The following USP31 variants were observed in gnomAD, a reference collection of about 807,000 sequenced individuals.
The protein encoded by USP31 is ubiquitin specific peptidase 31.
Under a neutral mutation model 119.4 loss-of-function variants are expected in USP31, and 44 were observed. The observed-to-expected ratio is 0.37, with a 90% CI of 0.29 to 0.47. The LOEUF is 0.47. Ranked by LOEUF, USP31 falls within the 20% of genes least tolerant of loss-of-function variation. The probability of loss-of-function intolerance (pLI) is 0.99; values close to 1 mark genes in which losing one functional copy is unlikely to be tolerated. For synonymous variants in USP31, 749 were observed against 705.6 expected (o/e 1.06, Z -0.97); for missense variants, 1,643 against 1,730.2 (o/e 0.95, Z 0.89).
intron 1 of USP31, among the ~76,000 whole-genome samples, chr16:23,143,259 C>G (rs1017134226): frequency 3.9e-5 from 6 of 152,140 alleles, no homozygotes; most frequent in African/African-American, 1.4e-4. Context: ...TCTTTGCCAG[C>G]ACAATTTAAA....
rs1471661117 is a variant in USP31, at chr16:23,131,273, G to C, written c.633+17365C>G. Among the ~76,000 whole-genome samples, 7 of 152,290 alleles carry C rather than the reference G, an allele frequency of 4.6e-5. No individual in the cohort carries two copies. In the East Asian group the frequency reaches 1.3e-3, roughly 29 times the overall value. On this transcript the variant is annotated intron_variant, in intron 1 of 15. Coordinates refer to ENST00000219689, the MANE Select transcript of USP31 (RefSeq NM_020718.4). ...GCTATGATCATGCCACTGCACTCCAGGCTGGGCGACAGAGCAAGACTGTCT... is the reference window on the plus strand; with the variant it reads ...GCTATGATCATGCCACTGCACTCCACGCTGGGCGACAGAGCAAGACTGTCT...
chr16:23,130,893 A>T (rs1186417448), intron 1 of USP31, among the ~76,000 whole-genome samples: 2 of 152,332 alleles, frequency 1.3e-5, no homozygotes, highest in East Asian at 3.9e-4. Context: ...TGGGGTAGTT[A>T]GTTCATTTTT....
chr16:23,122,313 A>G (rs541193555), intron 1 of USP31, among the ~76,000 whole-genome samples: 20 of 152,368 alleles, frequency 1.3e-4, no homozygotes, highest in African/African-American at 4.6e-4. Flanking sequence ...ACAGACGTTA[A>G]CAAGTGTTGA....
At chr16:23,113,213 G>C (rs1902380144) in intron 1 of USP31, among the ~76,000 whole-genome samples, 1 of 152,074 alleles carries the variant, frequency 6.6e-6, no homozygotes, top group Non-Finnish European at 1.5e-5. Context: ...GAAGAGATTA[G>C]GGGACCACAG....
At chr16:23,098,377 T>A (rs1457088442) in intron 6 of USP31, among the ~76,000 whole-genome samples, 1 of 152,024 alleles carries the variant, frequency 6.6e-6, no homozygotes, top group Non-Finnish European at 1.5e-5. Flanking sequence ...AGAATCAATA[T>A]CGTGAAAATG....
At chr16:23,081,130 C>A (rs1051803032) in intron 12 of USP31, among the ~76,000 whole-genome samples, 3 of 152,204 alleles carry the variant, frequency 2.0e-5, no homozygotes, top group African/African-American at 7.2e-5. Context: ...GATGAAGAGG[C>A]ATGGCCATGC....
At chr16:23,128,440 T>C (rs948913816) in intron 1 of USP31, among the ~76,000 whole-genome samples, 13 of 152,126 alleles carry the variant, frequency 8.5e-5, no homozygotes, top group Non-Finnish European at 1.8e-4. Context: ...ACATCAAATA[T>C]GCTTAAACCC....
At chr16:23,088,969 C>T (rs1175955293) in intron 7 of USP31, among the ~76,000 whole-genome samples, 1 of 152,238 alleles carries the variant, frequency 6.6e-6, no homozygotes, top group African/African-American at 2.4e-5. Context: ...ACTGTTCGCT[C>T]ACAGTGGTGC....
At chr16:23,096,000 T>G (rs1901590835) in intron 6 of USP31, among the ~76,000 whole-genome samples, 1 of 152,096 alleles carries the variant, frequency 6.6e-6, no homozygotes, top group Non-Finnish European at 1.5e-5. Flanking sequence ...ATAACAATAT[T>G]AACCTTAAAT....
At position 23,078,142 on chromosome 16, in the gene USP31, T is replaced by C. The variant is rs980425845; in HGVS notation, c.2176+1804A>G. On this transcript the variant is annotated intron_variant, in intron 13 of 15. Coordinates refer to ENST00000219689, the MANE Select transcript of USP31 (RefSeq NM_020718.4). ...TCCTGGCCAACATGGTGAAACCCCGTCTCTATTAAAAATACAAAAATTAGC... is the reference window on the plus strand; with the variant it reads ...TCCTGGCCAACATGGTGAAACCCCGCCTCTATTAAAAATACAAAAATTAGC... Among the ~76,000 whole-genome samples, 76 of 151,630 alleles carry C rather than the reference T, an allele frequency of 5.0e-4. 1 individual carries two copies. Among genetic ancestry groups the C allele is most frequent in the Admixed American group, 2.0e-4 (3 of 15,218 alleles).
chr16:23,135,154 A>C (rs941766875), intron 1 of USP31, among the ~76,000 whole-genome samples: 2 of 150,846 alleles, frequency 1.3e-5, no homozygotes, highest in Non-Finnish European at 3.0e-5. Flanking sequence ...AAAAAAAAAA[A>C]ACACTCAACA....
At chr16:23,079,851 G>T in intron 13 of USP31, 95 bp downstream of exon 13, 1 of 1,187,958 alleles carries the variant, frequency 8.4e-7, no homozygotes, top group Non-Finnish European at 1.1e-6. Context: ...GCCTACCGGA[G>T]GGGAAATGAG....
Position 23,061,517 on chromosome 16 carries a change from C to T in USP31, c.*6529G>A, listed in dbSNP as rs1431997331. The stretch of plus-strand genomic sequence containing the variant: ...ACGCTGTTTCAGAAATAAAACGTTT[C>T]AAACGTAAAAATATAAATTCTGCTT... On this transcript the variant is annotated 3_prime_UTR_variant, in exon 16 of 16. Transcript: ENST00000219689. The T allele has an allele frequency of 1.3e-5, 2 of 152,570 alleles. No individual in the cohort carries two copies. The highest frequency in any genetic ancestry group is 2.9e-5 in the Non-Finnish European group (2 of 68,026). 9.5% of individuals were successfully genotyped at this position (152,570 alleles called of 1,614,324 possible). A position where few individuals can be genotyped will look rare whatever the true frequency, so the allele number is the denominator to read the frequency against.
intron 1 of USP31, among the ~76,000 whole-genome samples, chr16:23,120,231 C>T (rs1902623258): frequency 6.6e-6 from 1 of 152,038 alleles, no homozygotes; most frequent in African/African-American, 2.4e-5. Flanking sequence ...GGTCATCATA[C>T]AGGAAGAATG....
chr16:23,124,653 C>T (rs935622300), intron 1 of USP31, among the ~76,000 whole-genome samples: 1 of 152,162 alleles, frequency 6.6e-6, no homozygotes, highest in African/African-American at 2.4e-5. Context: ...CAGCATGAGG[C>T]TGAGATGGGT....
chr16:23,083,169 T>C (rs1900914498), intron 11 of USP31, among the ~76,000 whole-genome samples: 1 of 152,158 alleles, frequency 6.6e-6, no homozygotes, highest in Admixed American at 6.5e-5. Flanking sequence ...CTCTGGATAC[T>C]GGAATTATTT....
intron 1 of USP31, among the ~76,000 whole-genome samples, chr16:23,108,503 T>G (rs1020668067): frequency 1.3e-5 from 2 of 152,180 alleles, no homozygotes; most frequent in African/African-American, 4.8e-5. Flanking sequence ...AACTTGGACA[T>G]CTTAAAAAAG....
chr16:23,122,455 C>T (rs1241024346), intron 1 of USP31, among the ~76,000 whole-genome samples: 1 of 152,124 alleles, frequency 6.6e-6, no homozygotes, highest in Non-Finnish European at 1.5e-5. Flanking sequence ...AATTCCATCT[C>T]TAAAATATAC....
intron 13 of USP31, chr16:23,079,725 C>A: frequency 2.1e-6 from 1 of 470,234 alleles, no homozygotes; most frequent in African/African-American, 2.0e-5. Flanking sequence ...TACCACTCCC[C>A]AATCAGTCAG....
Sources: gnomAD v4.1 joint callset for allele counts (sites outside exome capture counted in the v4.1 genomes callset) on GRCh38, gnomAD v4.1.1 for gene constraint, MANE v1.5 for transcripts, NCBI Gene and HGNC (gene_info 2026-07-23, HGNC 2026-07-21) for gene names.